Variants in STK32A observed in about 807,000 individuals in gnomAD.
The protein encoded by STK32A is serine/threonine-protein kinase 32A.
A neutral mutation model predicts 53.2 loss-of-function variants in STK32A; 41 were observed. The ratio of observed to expected loss-of-function variants is 0.77; its 90% CI spans 0.60 to 1.00. The LOEUF (loss-of-function observed/expected upper bound fraction) is 1.00, where lower values mean the gene tolerates loss of function less well. Among genes scored for constraint, STK32A ranks in the 50% least tolerant of loss-of-function variants. STK32A has a pLI of 0.00. For missense variants in STK32A, 458 were observed against 485.8 expected, an observed-to-expected ratio of 0.94 and a Z score of 0.54; for synonymous variants, 166 against 162.8, an observed-to-expected ratio of 1.02 and a Z score of -0.15.
intron 2 of STK32A, among the ~76,000 whole-genome samples, chr5:147,241,582 T>C (rs1753585977): frequency 6.6e-6 from 1 of 152,252 alleles, no homozygotes; most frequent in Admixed American, 6.5e-5. Flanking sequence ...CCATTCTTAC[T>C]ATTTCTACAG....
chr5:147,331,347 C>G (rs918371298), intron 5 of STK32A, among the ~76,000 whole-genome samples: 1 of 152,134 alleles, frequency 6.6e-6, no homozygotes, highest in African/African-American at 2.4e-5. Context: ...CAACAATTCT[C>G]TGAGGGGATT....
chr5:147,276,157 T>C (rs572100262), intron 2 of STK32A, among the ~76,000 whole-genome samples: 5 of 152,300 alleles, frequency 3.3e-5, no homozygotes, highest in African/African-American at 1.2e-4. Flanking sequence ...AAGAAAATCA[T>C]TGCTTTGGTT....
In STK32A at chr5:147,301,191, T is replaced by A. The variant is rs868552448; in HGVS notation, c.260+21793T>A. On this transcript the variant is annotated intron_variant, in intron 4 of 12. Transcript: ENST00000397936. ...GGTGGTCCTTGTTATGTAGATGAAATCTCACAAGTAGCAACTCTCAGAAAG... is the reference window on the plus strand; with the variant it reads ...GGTGGTCCTTGTTATGTAGATGAAAACTCACAAGTAGCAACTCTCAGAAAG... Among the ~76,000 whole-genome samples the A allele has an allele frequency of 1.1e-4, 16 of 152,232 alleles. 4 individuals carry two copies. The Middle Eastern group carries it at 0.044, about 421-fold the overall frequency.
intron 6 of STK32A, among the ~76,000 whole-genome samples, chr5:147,348,414 C>G (rs944636329): frequency 6.6e-6 from 1 of 152,080 alleles, no homozygotes; most frequent in African/African-American, 2.4e-5. Context: ...ATATTGGCGC[C>G]CAACCCACAG....
Position 147,385,266 on chromosome 5 carries a change from T to C in STK32A, c.*1283T>C, listed in dbSNP as rs937658155. ...GATTCTTGTGTCTCAGCCTCCTAAG[T>C]AGCTGGGATCGCATGTGTGTGCCAC... On this transcript the variant is annotated 3_prime_UTR_variant, in exon 13 of 13. Coordinates refer to ENST00000397936, the MANE Select transcript of STK32A (RefSeq NM_001112724.2). 1.3e-5 allele frequency: 2 copies of C among 152,318 alleles called. No individual in the cohort carries two copies. The highest frequency in any genetic ancestry group is 1.9e-4 in the East Asian group (1 of 5,182). 9.4% of individuals were successfully genotyped at this position (152,318 alleles called of 1,614,324 possible). A position where few individuals can be genotyped will look rare whatever the true frequency, so the allele number is the denominator to read the frequency against.
intron 2 of STK32A, among the ~76,000 whole-genome samples, chr5:147,270,567 G>T (rs1288259346): frequency 6.6e-6 from 1 of 152,072 alleles, no homozygotes. Flanking sequence ...AAATACTCCT[G>T]AGATATGTTA....
intron 5 of STK32A, among the ~76,000 whole-genome samples, chr5:147,340,405 A>C (rs1755347935): frequency 6.6e-6 from 1 of 152,234 alleles, no homozygotes; most frequent in Non-Finnish European, 1.5e-5. Flanking sequence ...GACTACTGTC[A>C]ATGAAAGAAA....
chr5:147,279,825 T>C (rs1305902677), intron 4 of STK32A, among the ~76,000 whole-genome samples: 1 of 152,102 alleles, frequency 6.6e-6, no homozygotes, highest in Non-Finnish European at 1.5e-5. Context: ...GAGTGTATGA[T>C]GAGGTCCTAG....
chr5:147,273,718 GA>G, intron 2 of STK32A, among the ~76,000 whole-genome samples: 1 of 152,124 alleles, frequency 6.6e-6, no homozygotes, highest in Non-Finnish European at 1.5e-5. Flanking sequence ...TGGACTTTTT[GA>G]AAAACTTTCT....
chr5:147,398,817 G>A, the STK32A span, among the ~76,000 whole-genome samples: 1 of 152,166 alleles, frequency 6.6e-6, no homozygotes, highest in African/African-American at 2.4e-5. Flanking sequence ...ATGTTCCCCT[G>A]TCTCAGCAAT....
At chr5:147,248,787 A>G (rs1037549724) in intron 2 of STK32A, among the ~76,000 whole-genome samples, 2 of 152,230 alleles carry the variant, frequency 1.3e-5, no homozygotes, top group Non-Finnish European at 2.9e-5. Context: ...AAGTGCTGAC[A>G]GTGCAAACAG....
At chr5:147,253,942 C>A (rs1351486736) in intron 2 of STK32A, among the ~76,000 whole-genome samples, 3 of 152,154 alleles carry the variant, frequency 2.0e-5, no homozygotes, top group African/African-American at 7.2e-5. Context: ...ACAGCAGAAA[C>A]TTTTTCTTGG....
chr5:147,284,756 A>G (rs1752250283), intron 4 of STK32A, among the ~76,000 whole-genome samples: 1 of 152,068 alleles, frequency 6.6e-6, no homozygotes, highest in Admixed American at 6.6e-5. Context: ...GAGTAGAAAG[A>G]CCTCTACAAG....
At chr5:147,350,504 G>A in intron 6 of STK32A, among the ~76,000 whole-genome samples, 1 of 151,772 alleles carries the variant, frequency 6.6e-6, no homozygotes, top group East Asian at 2.0e-4. Context: ...TGGGATTACA[G>A]GCACCCATCA....
intron 2 of STK32A, among the ~76,000 whole-genome samples, chr5:147,271,933 G>T (rs1024011464): frequency 6.6e-6 from 1 of 152,068 alleles, no homozygotes; most frequent in Non-Finnish European, 1.5e-5. Context: ...TGTGGAGCAC[G>T]TGATCTCTGT....
In STK32A at chr5:147,287,334, G is replaced by A. The variant is rs373750844; in HGVS notation, c.260+7936G>A. 2.6e-4 allele frequency among the ~76,000 whole-genome samples: 39 copies of A among 152,114 alleles called. No homozygotes were observed. In the South Asian group the frequency reaches 7.5e-3, roughly 29 times the overall value. Reference sequence around the variant, plus strand: ...TTCTTAAAGCTAATTCAGGATGACTGTTATTTAAATATGCATACCAAGAAG... The same window carrying A: ...TTCTTAAAGCTAATTCAGGATGACTATTATTTAAATATGCATACCAAGAAG... On this transcript the variant is annotated intron_variant, in intron 4 of 12. Transcript: ENST00000397936.
Position 147,343,380 on chromosome 5 carries a change from C to A in STK32A, c.472+337C>A, listed in dbSNP as rs992974053. On this transcript the variant is annotated intron_variant, in intron 6 of 12. Transcript: ENST00000397936. Reference sequence around the variant, plus strand: ...CAATCACCTATTTTTTATAATGATACAGAAGGCCTCAAGCTGAGAGCATTT... The same window carrying A: ...CAATCACCTATTTTTTATAATGATAAAGAAGGCCTCAAGCTGAGAGCATTT... 5.6e-5 allele frequency: 22 copies of A among 393,174 alleles called. 1 individual carries two copies. Among genetic ancestry groups the A allele is most frequent in the Admixed American group, 5.3e-4 (14 of 26,332 alleles). 24.4% of individuals were successfully genotyped at this position (393,174 alleles called of 1,614,324 possible).
chr5:147,400,629 G>A, the STK32A span: 1 of 1,572,746 alleles, frequency 6.4e-7, no homozygotes. Context: ...GGTGGCAGGA[G>A]GTTCTGATCT....
chr5:147,373,211 G>A lies in STK32A; in HGVS notation c.820G>A (p.Asp274Asn), dbSNP rs1757078834. 1.2e-6 allele frequency: 2 copies of A among 1,613,296 alleles called. No homozygotes were observed. Among genetic ancestry groups the A allele is most frequent in the Non-Finnish European group, 1.7e-6 (2 of 1,179,562 alleles). Reference protein sequence around the residue: ...NPDQRFSQLSDVQNFPYMNDI... With the variant: ...NPDQRFSQLSNVQNFPYMNDI... ...AGACCAACGATTTTCTCAGTTATCT[G>A]ATGTCCAGAACTTCCCGTATATGAA... The change falls in exon 10 of 13, where the codon GAT becomes AAT. Residue 274 changes from aspartate to asparagine, a missense_variant. Asp to Asn is a conservative substitution (Grantham distance 23). Coordinates refer to ENST00000397936, the MANE Select transcript of STK32A (RefSeq NM_001112724.2).
Sources: gnomAD v4.1 joint callset for allele counts (sites outside exome capture counted in the v4.1 genomes callset) on GRCh38, gnomAD v4.1.1 for gene constraint, MANE v1.5 for transcripts, NCBI Gene and HGNC (gene_info 2026-07-23, HGNC 2026-07-21) for gene names.